RIMS2: variants seen among roughly 807,000 people sequenced by gnomAD.
The protein encoded by RIMS2 is regulating synaptic membrane exocytosis 2.
Under a neutral mutation model 174.4 loss-of-function variants are expected in RIMS2, and 59 were observed. The observed-to-expected ratio is 0.34, with a 90% CI of 0.27 to 0.42. The LOEUF is 0.42. Among genes scored for constraint, RIMS2 ranks in the 10% least tolerant of loss-of-function variants. The pLI, the probability that RIMS2 is intolerant of heterozygous loss-of-function variation, is 1.00. For missense variants in RIMS2, 1,620 were observed against 1,666.3 expected, an observed-to-expected ratio of 0.97 and a Z score of 0.48; for synonymous variants, 606 against 572.5, an observed-to-expected ratio of 1.06 and a Z score of -0.84.
chr8:103,697,163 A>G, exon 2 of RIMS2: 1 of 1,613,712 alleles, frequency 6.2e-7, no homozygotes, highest in Non-Finnish European at 8.5e-7. Context: ...CAGCAAGAAC[A>G]GAAGGGTGAT....
intron 1 of RIMS2, among the ~76,000 whole-genome samples, chr8:103,624,425 T>A (rs1232590012): frequency 6.6e-6 from 1 of 152,218 alleles, no homozygotes; most frequent in Non-Finnish European, 1.5e-5. Context: ...AGACTCTGAC[T>A]GAGTTACACC....
Position 103,893,019 on chromosome 8 carries a change from T to C in RIMS2, c.1624+6796T>C, listed in dbSNP as rs2099256115. On this transcript the variant is annotated intron_variant, in intron 4 of 23. Transcript: ENST00000504942. ...AAAAGAGCAAATGTCCTAATGGTAT[T>C]ACAAATGGTGTATAGGGCATTTATA... 3.3e-5 allele frequency among the ~76,000 whole-genome samples: 5 copies of C among 152,168 alleles called. No individual in the cohort carries two copies. The South Asian group carries it at 1.0e-3, about 32-fold the overall frequency.
At chr8:103,936,514 T>A (rs1176256086) in intron 12 of RIMS2, 37 bp from the exon 15 acceptor site, 1 of 1,361,262 alleles carries the variant, frequency 7.3e-7, no homozygotes. Context: ...AACTTATAGT[T>A]CTATGTAAGT....
At chr8:103,791,948 T>G (rs2098503059) in intron 3 of RIMS2, among the ~76,000 whole-genome samples, 1 of 152,078 alleles carries the variant, frequency 6.6e-6, no homozygotes, top group Non-Finnish European at 1.5e-5. Context: ...ACAAAGAGAC[T>G]TAGACTCCCA....
chr8:103,964,208 G>A (rs974407607), intron 15 of RIMS2, among the ~76,000 whole-genome samples: 2 of 152,152 alleles, frequency 1.3e-5, no homozygotes, highest in Non-Finnish European at 2.9e-5. Context: ...TTGCTGGATC[G>A]TATGCTAAGA....
Position 104,225,006 on chromosome 8 carries a change from T to A in RIMS2, c.3335-19910T>A, listed in dbSNP as rs76088045. On this transcript the variant is annotated intron_variant, in intron 19 of 23. Transcript: ENST00000504942. ...CCTTTTCTGTTTTTGTTTGTACGTT[T>A]ACGTTTCACTTGCTTCCTATAATTA... Among the ~76,000 whole-genome samples, 38 of 152,366 alleles carry A rather than the reference T, an allele frequency of 2.5e-4. No individual in the cohort carries two copies. The East Asian group carries it at 5.4e-3, about 22-fold the overall frequency.
Position 103,885,293 on chromosome 8 carries a change from C to A in RIMS2, c.699-5C>A. ...TCTCATTGTTCTTTTCCTTTGGTTA[C>A]TTAGGAAAAGAAGCCCATCTGTGTC... On this transcript the variant is annotated splice_region_variant and splice_polypyrimidine_tract_variant and intron_variant, in intron 3 of 23. Coordinates refer to ENST00000504942, the Ensembl canonical transcript of RIMS2. 6.4e-7 allele frequency: 1 copy of A among 1,555,814 alleles called. No homozygotes were observed. Among genetic ancestry groups the A allele is most frequent in the Non-Finnish European group, 8.7e-7 (1 of 1,149,774 alleles).
intron 1 of RIMS2, among the ~76,000 whole-genome samples, chr8:103,623,809 A>AG (rs2095706415): frequency 6.6e-6 from 1 of 150,520 alleles, no homozygotes; most frequent in Non-Finnish European, 1.5e-5. Context: ...TTTTTTTTAA[A>AG]AAGGAAGGAA....
rs78207287 is a variant in RIMS2 at position 104,221,306 on chromosome 8, T to C, written c.3335-23610T>C. ...TAAAACAATAGTGCAATTGATGCAC[T>C]AACCATGTGGGCTGAACTCTGATAC... On this transcript the variant is annotated intron_variant, in intron 19 of 23. Transcript: ENST00000504942. Among the ~76,000 whole-genome samples the C allele has an allele frequency of 9.9e-3, 1,505 of 152,340 alleles. 21 individuals are homozygous for C. Among genetic ancestry groups the C allele is most frequent in the African/African-American group, 0.033 (1,356 of 41,570 alleles).
At chr8:103,553,202 T>C (rs1318630248) in intron 1 of RIMS2, among the ~76,000 whole-genome samples, 17 of 152,132 alleles carry the variant, frequency 1.1e-4, no homozygotes, top group Admixed American at 1.1e-3. Context: ...AACCCAAATA[T>C]CCATCACTGA....
intron 16 of RIMS2, 41 bp downstream of exon 18, chr8:103,975,547 TAGTC>T (rs1487055547): frequency 6.8e-7 from 1 of 1,468,258 alleles, no homozygotes; most frequent in South Asian, 1.2e-5. Context: ...GTGGCTGTAT[TAGTC>T]AGTGTTCTCC....
rs903705626 is a variant in RIMS2 at position 103,572,424 on chromosome 8, T to C, written c.176+71362T>C. Reference sequence around the variant, plus strand: ...GCACTGATTGGTCCATTTTACAGAGTGCTGATTGGTCCATTTTTACAGAGT... The same window carrying C: ...GCACTGATTGGTCCATTTTACAGAGCGCTGATTGGTCCATTTTTACAGAGT... On this transcript the variant is annotated intron_variant, in intron 1 of 23. Transcript: ENST00000504942. Among the ~76,000 whole-genome samples the C allele has an allele frequency of 2.6e-5, 4 of 152,014 alleles. No individual in the cohort carries two copies. The South Asian group carries it at 8.3e-4, about 32-fold the overall frequency.
chr8:103,895,592 G>A (rs541165740), intron 4 of RIMS2, among the ~76,000 whole-genome samples: 1 of 151,540 alleles, frequency 6.6e-6, no homozygotes, highest in South Asian at 2.1e-4. Context: ...TGGCAGGAGG[G>A]GCATGCAGAC....
At chr8:103,716,171 T>C (rs543495247) in intron 2 of RIMS2, 138 bp from the exon 5 acceptor site, 1 of 152,028 alleles carries the variant, frequency 6.6e-6, no homozygotes, top group African/African-American at 2.4e-5. Flanking sequence ...AAAATGTAAT[T>C]TAGACATTTT....
rs749876638 is a variant in RIMS2, at chr8:104,068,493, G to GT, written c.3334+53885dup. On this transcript the variant is annotated intron_variant, in intron 19 of 23. Transcript: ENST00000504942. ...TAAGAACTGAACATTAATTTTATGG[G>GT]TTTTTTTCTACTCGATAGGTACTAT... is the stretch of plus-strand genomic sequence containing the variant. 1.6e-5 allele frequency: 18 copies of GT among 1,151,606 alleles called. No individual in the cohort carries two copies. In the East Asian group the frequency reaches 2.2e-4, roughly 14 times the overall value. The allele number at this position is 1,151,606 out of a possible 1,614,324, so 71.3% of individuals were successfully genotyped here.
intron 19 of RIMS2, among the ~76,000 whole-genome samples, chr8:104,061,706 A>G (rs4319055): frequency 0.25 from 37,110 of 151,102 alleles, 4,808 homozygotes; most frequent in South Asian, 0.35. Context: ...TATAATTACT[A>G]ATTGCAATAT....
At chr8:103,730,298 A>T (rs1176702177) in intron 2 of RIMS2, among the ~76,000 whole-genome samples, 1 of 149,694 alleles carries the variant, frequency 6.7e-6, no homozygotes, top group Non-Finnish European at 1.5e-5. Flanking sequence ...TATATAGAGG[A>T]CCTCTAATAA....
At chr8:104,212,048 A>C (rs893417014) in intron 19 of RIMS2, among the ~76,000 whole-genome samples, 2 of 152,200 alleles carry the variant, frequency 1.3e-5, no homozygotes, top group African/African-American at 4.8e-5. Flanking sequence ...TTGGCTGCTG[A>C]TGTCATTTAT....
intron 3 of RIMS2, among the ~76,000 whole-genome samples, chr8:103,794,970 C>T (rs1451457679): frequency 1.3e-5 from 2 of 152,166 alleles, no homozygotes; most frequent in Non-Finnish European, 2.9e-5. Context: ...AATAGGAACA[C>T]TTTTACACTG....
Sources: gnomAD v4.1 joint callset for allele counts (sites outside exome capture counted in the v4.1 genomes callset) on GRCh38, gnomAD v4.1.1 for gene constraint, MANE v1.5 for transcripts, NCBI Gene and HGNC (gene_info 2026-07-23, HGNC 2026-07-21) for gene names.